DSP: variants seen among roughly 807,000 people sequenced by gnomAD.
DSP encodes the protein 250/210 kDa paraneoplastic pemphigus antigen.
DSP carries 114 observed loss-of-function variants against 290.6 expected under a neutral mutation model. That is an observed-to-expected ratio of 0.39 (90% confidence interval 0.34 to 0.46). The LOEUF is 0.46. Among genes scored for constraint, DSP ranks in the 20% least tolerant of loss-of-function variants. DSP has a pLI of 0.99. For synonymous variants in DSP, 1,311 were observed against 1,316.4 expected (o/e 1.00, Z 0.09); for missense variants, 3,230 against 3,495.8 (o/e 0.92, Z 1.92).
intron 15 of DSP, 27 bp from the exon 16 acceptor site, chr6:7,574,059 A>G (rs1759147936): frequency 6.2e-7 from 1 of 1,613,594 alleles, no homozygotes; most frequent in Non-Finnish European, 8.5e-7. Context: ...CAGCTAAATC[A>G]AAAGAGCTTT....
Position 7,558,153 on chromosome 6 carries a change from G to A in DSP, c.311G>A (p.Ser104Asn). ...GGAGATGGAATACAACTGACTCGGA[G>A]TCGAGAATTGGATGAGTGTTTTGCC... ...KYGDGIQLTR[S>N]RELDECFAQA... Residue 104 changes from serine to asparagine, a missense_variant, in exon 3 of 24, where the codon AGT (serine) becomes AAT (asparagine). Around this residue, in one of 5 missense-constraint regions of DSP, gnomAD observed 646 missense variants for 684.3 expected, o/e 0.94. Transcript: ENST00000379802. 3 of 1,614,224 alleles carry A rather than the reference G, an allele frequency of 1.9e-6. No homozygotes were observed. The highest frequency in any genetic ancestry group is 1.3e-5 in the African/African-American group (1 of 75,044).
At position 7,579,990 on chromosome 6, in the gene DSP, G is replaced by A. The variant is rs759698959; in HGVS notation, c.3800G>A (p.Arg1267Gln). Residue 1267 changes from arginine to glutamine, a missense_variant, in exon 23 of 24, where the codon CGA becomes CAA. Arg to Gln is a conservative substitution (Grantham distance 43). This residue lies in a region of DSP where 1,714 missense variants were observed against 1,844.5 expected (regional missense o/e 0.93). Transcript: ENST00000379802. This position sits in a 1 kb window ranked among gnomAD's most constrained non-coding sequence, Gnocchi z 4.1. ...NDSILQATEQ[R>Q]RRAEENALQQ... ...AGCATCTTGCAGGCCACTGAGCAGC[G>A]AAGGCGAGCTGAAGAAAACGCCCTT... The A allele has an allele frequency of 2.5e-5, 41 of 1,613,996 alleles. No homozygotes were observed. The highest frequency in any genetic ancestry group is 2.9e-5 in the Non-Finnish European group (34 of 1,180,020).
intron 1 of DSP, among the ~76,000 whole-genome samples, chr6:7,554,125 A>ACACACACACACACACACACACACACACAC (rs772041102): frequency 3.5e-5 from 5 of 144,396 alleles, no homozygotes; most frequent in African/African-American, 1.1e-4. Flanking sequence ...ACACACACAC[A>ACACACACACACACACACACACACACACAC]CCCAGTTGGT....
chr6:7,582,955 A>C lies in DSP; in HGVS notation c.5693A>C (p.Glu1898Ala), dbSNP rs1223898596. ...SEREKNSLRS[E>A]IERLQAEIKR... ...AGAGAGAAGAACAGTCTTAGGAGTG[A>C]GATCGAAAGACTCCAAGCAGAGATC... Residue 1898 changes from glutamate to alanine, a missense_variant, in exon 24 of 24, where the codon GAG (glutamate) becomes GCG (alanine). This residue lies in a region of DSP where 1,714 missense variants were observed against 1,844.5 expected (regional missense o/e 0.93). Transcript: ENST00000379802. The surrounding 1 kb of genome is among the most constrained non-coding windows in gnomAD (Gnocchi z 4.2). The C allele has an allele frequency of 6.2e-7, 1 of 1,614,114 alleles. No homozygotes were observed. Among genetic ancestry groups the C allele is most frequent in the African/African-American group, 1.3e-5 (1 of 75,022 alleles).
At position 7,571,799 on chromosome 6, in the gene DSP, C is replaced by G. The variant is rs766060674; in HGVS notation, c.1904-43C>G. The stretch of plus-strand genomic sequence containing the variant: ...TTTTTGAGGCCTAGCACCTTGATAC[C>G]TAGGTATTCTCTGATTTTTGTGGCC... On this transcript the variant is annotated intron_variant, in intron 14 of 23. Coordinates refer to ENST00000379802, the MANE Select transcript of DSP (RefSeq NM_004415.4). 5 of 1,593,050 alleles carry G rather than the reference C, an allele frequency of 3.1e-6. No homozygotes were observed. The East Asian group carries it at 8.9e-5, about 28-fold the overall frequency.
rs572618738 is a variant in DSP at position 7,545,568 on chromosome 6, T to C, written c.170+3483T>C. 5.9e-5 allele frequency among the ~76,000 whole-genome samples: 9 copies of C among 152,364 alleles called. No homozygotes were observed. In the South Asian group the frequency reaches 1.7e-3, roughly 28 times the overall value. On this transcript the variant is annotated intron_variant, in intron 1 of 23. Coordinates refer to ENST00000379802, the MANE Select transcript of DSP (RefSeq NM_004415.4). ...CAGCAAGTATTTACCGAGCATTGAC[T>C]GCATTCTGTGTTAAGTGTCAGGGGA...
At position 7,575,337 on chromosome 6, in the gene DSP, A is replaced by G. The variant is rs1009521297; in HGVS notation, c.2479A>G (p.Thr827Ala). 3 of 1,614,010 alleles carry G rather than the reference A, an allele frequency of 1.9e-6. No individual in the cohort carries two copies. The highest frequency in any genetic ancestry group is 2.5e-6 in the Non-Finnish European group (3 of 1,180,002). The change falls in exon 18 of 24, where the codon ACT becomes GCT. Residue 827 changes from threonine to alanine, a missense_variant. This residue lies in a region of DSP where 1,714 missense variants were observed against 1,844.5 expected (regional missense o/e 0.93). Transcript: ENST00000379802. ...GAACTTGAAGAAGTCGTTGTTGGCC[A>G]CTATGAAGACAGAACTACAGAAAGC... ...DLNLKKSLLA[T>A]MKTELQKAQQ... is the part of the protein sequence containing the mutation.
chr6:7,541,728 C>A lies in DSP; in HGVS notation c.-188C>A. 1.5e-6 allele frequency: 1 copy of A among 675,798 alleles called. No homozygotes were observed. Among genetic ancestry groups the A allele is most frequent in the Non-Finnish European group, 2.4e-6 (1 of 422,560 alleles). 41.9% of individuals were successfully genotyped at this position (675,798 alleles called of 1,614,324 possible). On this transcript the variant is annotated 5_prime_UTR_variant, in exon 1 of 24. Coordinates refer to ENST00000379802, the MANE Select transcript of DSP (RefSeq NM_004415.4). Reference sequence around the variant, plus strand: ...CTTTCCTCCCGCTCCTGCCCCCGGCCCGTCGCCGTCTCCGCGCTCGCAGCG... The same window carrying A: ...CTTTCCTCCCGCTCCTGCCCCCGGCACGTCGCCGTCTCCGCGCTCGCAGCG...
intron 15 of DSP, among the ~76,000 whole-genome samples, chr6:7,572,642 CTTT>C (rs1759090734): frequency 6.6e-6 from 1 of 152,172 alleles, no homozygotes; most frequent in African/African-American, 2.4e-5. Context: ...TTTTAGTGGA[CTTT>C]TTAAGGGCAA....
At chr6:7,561,990 CAGA>C (rs774117054) in intron 4 of DSP, among the ~76,000 whole-genome samples, 63 of 152,198 alleles carry the variant, frequency 4.1e-4, no homozygotes, top group Middle Eastern at 3.4e-3. Flanking sequence ...TAAATTTAGT[CAGA>C]TTTAATTTTT....
intron 9 of DSP, 61 bp downstream of exon 9, chr6:7,567,510 G>A: frequency 7.1e-7 from 1 of 1,403,624 alleles, no homozygotes; most frequent in South Asian, 1.2e-5. Context: ...TCTTTTGAGT[G>A]TGTTTTATAA....
intron 1 of DSP, among the ~76,000 whole-genome samples, chr6:7,542,678 C>G (rs979689494): frequency 6.6e-6 from 1 of 152,114 alleles, no homozygotes. Flanking sequence ...CCCGAGGAGG[C>G]GCTTCGGCTT....
intron 1 of DSP, 104 bp downstream of exon 1, chr6:7,542,189 T>G: frequency 1.4e-6 from 2 of 1,471,324 alleles, no homozygotes; most frequent in Non-Finnish European, 1.8e-6. Flanking sequence ...GTGGAAAGGT[T>G]TTTTTGCCCC....
intron 11 of DSP, 97 bp downstream of exon 11, chr6:7,568,686 TCAC>T: frequency 7.7e-7 from 1 of 1,305,028 alleles, no homozygotes; most frequent in Admixed American, 1.7e-5. Flanking sequence ...AGTTCAATAA[TCAC>T]CACAGTCAAT....
At position 7,585,853 on chromosome 6, in the gene DSP, T is replaced by A. The variant is rs1554109334; in HGVS notation, c.8591T>A (p.Phe2864Tyr). The stretch of plus-strand genomic sequence containing the variant: ...TCTTCCTACTCTTATTCCTACTCAT[T>A]TAGCAGTAGTTCTATTGGGCACTAG... Reference protein sequence around the residue: ...GNSSYSYSYSFSSSSIGH With the variant: ...GNSSYSYSYSYSSSSIGH The change falls in exon 24 of 24, where the codon TTT (phenylalanine) becomes TAT (tyrosine). Residue 2864 changes from phenylalanine (F) to tyrosine (Y), a missense_variant. By Grantham distance (22) the Phe-to-Tyr change is conservative. This residue lies in a region of DSP where 582 missense variants were observed against 555.4 expected (regional missense o/e 1.05). Coordinates refer to ENST00000379802, the MANE Select transcript of DSP (RefSeq NM_004415.4). The A allele has an allele frequency of 6.2e-7, 1 of 1,614,072 alleles. No homozygotes were observed. The highest frequency in any genetic ancestry group is 8.5e-7 in the Non-Finnish European group (1 of 1,180,024).
intron 13 of DSP, 139 bp downstream of exon 13, chr6:7,570,702 AGAGGTTCTGGTCTGTCCAATAGAGAACAG>A (rs1759020387): frequency 4.8e-6 from 6 of 1,240,170 alleles, no homozygotes; most frequent in Non-Finnish European, 5.7e-6. Context: ...AGCCCTCCTT[AGAGGTTCTGGTCTGTCCAATAGAGAACAG>A]GAGGGATTAG....
At position 7,574,132 on chromosome 6, in the gene DSP, T is replaced by C. The variant is rs1421440034; in HGVS notation, c.2177T>C (p.Leu726Pro). The C allele has an allele frequency of 1.2e-6, 2 of 1,614,146 alleles. No homozygotes were observed. The highest frequency in any genetic ancestry group is 1.7e-5 in the Admixed American group (1 of 60,030). ...GCAATTGCTGAGGTTCTCAACCAGCTTAAAGATATGCTTGCCAACTTCAGA... is the reference window on the plus strand; with the variant it reads ...GCAATTGCTGAGGTTCTCAACCAGCCTAAAGATATGCTTGCCAACTTCAGA... ...SQAIAEVLNQ[L>P]KDMLANFRGS... The change falls in exon 16 of 24, where the codon CTT becomes CCT. Residue 726 changes from leucine to proline, a missense_variant. Around this residue, in one of 5 missense-constraint regions of DSP, gnomAD observed 1,714 missense variants for 1,844.5 expected, o/e 0.93. Coordinates refer to ENST00000379802, the MANE Select transcript of DSP (RefSeq NM_004415.4).
intron 9 of DSP, 28 bp from the exon 10 acceptor site, chr6:7,567,753 A>AT: frequency 6.2e-7 from 1 of 1,613,740 alleles, no homozygotes; most frequent in Non-Finnish European, 8.5e-7. Flanking sequence ...GTTGCTGTTC[A>AT]TTCACTGATC....
At chr6:7,549,594 C>T (rs148516288) in intron 1 of DSP, among the ~76,000 whole-genome samples, 2 of 152,248 alleles carry the variant, frequency 1.3e-5, no homozygotes, top group East Asian at 3.9e-4. Flanking sequence ...GCAAATAGGC[C>T]TCACGGTCAA....
Sources: gnomAD v4.1 joint callset for allele counts (sites outside exome capture counted in the v4.1 genomes callset) on GRCh38, gnomAD v4.1.1 for gene constraint, gnomAD v4.1.1 regional missense constraint, Gnocchi (gnomAD v3.1) non-coding constraint, MANE v1.5 for transcripts, NCBI Gene and HGNC (gene_info 2026-07-23, HGNC 2026-07-21) for gene names.